The following ZNF280D variants were observed in gnomAD, a reference collection of about 807,000 sequenced individuals.
ZNF280D encodes suppressor of hairy wing homolog 4.
Under a neutral mutation model 94.7 loss-of-function variants are expected in ZNF280D, and 39 were observed. The observed-to-expected ratio is 0.41, with a 90% CI of 0.32 to 0.54. The LOEUF (loss-of-function observed/expected upper bound fraction) is 0.54. Ranked by LOEUF, ZNF280D falls within the 20% of genes least tolerant of loss-of-function variation. ZNF280D has a pLI of 0.22. For missense variants in ZNF280D, 1,090 were observed against 1,149.3 expected (o/e 0.95, Z 0.75); for synonymous variants, 398 against 377.6 (o/e 1.05, Z -0.63).
At chr15:56,698,589 G>C (rs2056883889) in intron 6 of ZNF280D, 1 of 152,124 alleles carries the variant, frequency 6.6e-6, no homozygotes, top group African/African-American at 2.4e-5. Context: ...CTGGTATTCA[G>C]GTCCTGTGTA....
intron 14 of ZNF280D, 42 bp downstream of exon 14, chr15:56,668,781 A>G (rs1485450796): frequency 2.0e-6 from 3 of 1,502,012 alleles, no homozygotes; most frequent in East Asian, 4.9e-5. Flanking sequence ...GTTAATTTCT[A>G]TTATCATACA....
At chr15:56,723,445 A>G (rs1454958011) in intron 1 of ZNF280D, among the ~76,000 whole-genome samples, 1 of 152,222 alleles carries the variant, frequency 6.6e-6, no homozygotes, top group East Asian at 1.9e-4. Flanking sequence ...TGAAAATATT[A>G]TGGAATTAGT....
Position 56,724,372 on chromosome 15 carries a change from T to C in ZNF280D, c.-86+9086A>G, listed in dbSNP as rs376727218. On this transcript the variant is annotated intron_variant, in intron 1 of 21. Transcript: ENST00000267807. ...AGAGCTCGGTTAGGTTATCCTAGTG[T>C]TAAAAGCTTCCAGGTGCAGTGAGGT... Among the ~76,000 whole-genome samples, 48 of 152,320 alleles carry C rather than the reference T, an allele frequency of 3.2e-4. No homozygotes were observed. In the South Asian group the frequency reaches 8.1e-3, roughly 26 times the overall value.
At chr15:56,717,016 C>T (rs1335554544) in intron 1 of ZNF280D, among the ~76,000 whole-genome samples, 1 of 152,056 alleles carries the variant, frequency 6.6e-6, no homozygotes. Context: ...ATATTGAAAC[C>T]CAGGACAATG....
rs147594571 is a variant in ZNF280D, at chr15:56,666,528, G to A, written c.1861C>T (p.Arg621Trp). The change falls in exon 16 of 22, where the codon CGG (arginine) becomes TGG (tryptophan). Residue 621 changes from arginine (R) to tryptophan (W), a missense_variant. Physicochemically the swap from Arg to Trp is moderately radical, Grantham distance 101. Around this residue, in one of 3 missense-constraint regions of ZNF280D, gnomAD observed 577 missense variants for 568.8 expected, o/e 1.01. Coordinates refer to ENST00000267807, the MANE Select transcript of ZNF280D (RefSeq NM_017661.4). ...CACTCAATGCATTTGTGAATGCCCCGACGATACCTTAGGGAGACATTAAAA... is the reference window on the plus strand; with the variant it reads ...CACTCAATGCATTTGTGAATGCCCCAACGATACCTTAGGGAGACATTAAAA... ...NTALRNLRYR[R>W]GIHKCIECCS... 3.3e-5 allele frequency: 52 copies of A among 1,589,248 alleles called. No homozygotes were observed. The highest frequency in any genetic ancestry group is 8.2e-5 in the South Asian group (7 of 85,556).
Position 56,668,460 on chromosome 15 carries a change from C to CA in ZNF280D, c.1545+362dup, listed in dbSNP as rs149048015. ...GGCACTGTACCAGATGCTGGGGACACAAAGATAAATAAAACATGATTCCTG... is the reference window on the plus strand; with the variant it reads ...GGCACTGTACCAGATGCTGGGGACACAAAAGATAAATAAAACATGATTCCTG... On this transcript the variant is annotated intron_variant, in intron 14 of 21. Transcript: ENST00000267807. Among the ~76,000 whole-genome samples the CA allele has an allele frequency of 7.2e-5, 11 of 152,096 alleles. No individual in the cohort carries two copies. The East Asian group carries it at 2.1e-3, about 29-fold the overall frequency.
Position 56,704,220 on chromosome 15 carries a change from G to A in ZNF280D, c.76C>T (p.Leu26=), listed in dbSNP as rs2057264497. The change falls in exon 4 of 22, where the codon CTG becomes TTG. Residue 26 remains leucine, a synonymous_variant. Transcript: ENST00000267807. ...ELFMECEEEE[L]EPWQKKVKEV... ...TTTACTTTCTTCTGCCATGGTTCCA[G>A]CTCCTCTTCTTCACATTCCATAAAC... 1 of 1,612,998 alleles carries A rather than the reference G, an allele frequency of 6.2e-7. No homozygotes were observed.
At chr15:56,650,083 G>A (rs1239620423) in intron 19 of ZNF280D, among the ~76,000 whole-genome samples, 1 of 152,002 alleles carries the variant, frequency 6.6e-6, no homozygotes, top group African/African-American at 2.4e-5. Context: ...TAAAAAATGT[G>A]GATTCAGTGT....
chr15:56,723,905 A>G (rs2058503794), intron 1 of ZNF280D, among the ~76,000 whole-genome samples: 1 of 152,224 alleles, frequency 6.6e-6, no homozygotes, highest in Non-Finnish European at 1.5e-5. Flanking sequence ...ATCACAGCTT[A>G]GTCTAACTTA....
chr15:56,685,306 T>C (rs542895413), intron 9 of ZNF280D, among the ~76,000 whole-genome samples: 3 of 151,588 alleles, frequency 2.0e-5, no homozygotes, highest in South Asian at 4.2e-4. Flanking sequence ...ATATTTACTG[T>C]AGAAAAAGAT....
intron 19 of ZNF280D, chr15:56,653,509 G>T (rs777048919): frequency 1.3e-6 from 2 of 1,518,250 alleles, no homozygotes; most frequent in African/African-American, 2.8e-5. Context: ...TCCTTGGAAA[G>T]AGAGAACAGG....
intron 19 of ZNF280D, 149 bp downstream of exon 19, chr15:56,654,048 AG>A: frequency 6.7e-7 from 1 of 1,497,918 alleles, no homozygotes. Context: ...TCCATAGAGC[AG>A]GAACCTATTT....
At chr15:56,721,866 C>T (rs993556592) in intron 1 of ZNF280D, among the ~76,000 whole-genome samples, 6 of 152,156 alleles carry the variant, frequency 3.9e-5, no homozygotes, top group African/African-American at 1.4e-4. Flanking sequence ...AGAATGTTTC[C>T]TTCGCAATCA....
intron 7 of ZNF280D, among the ~76,000 whole-genome samples, chr15:56,690,620 C>A (rs2056371091): frequency 6.6e-6 from 1 of 151,958 alleles, no homozygotes; most frequent in African/African-American, 2.4e-5. Context: ...ATTTGAAAAC[C>A]ATTTTGTTAA....
chr15:56,682,144 G>C (rs1454760956), intron 10 of ZNF280D, 110 bp downstream of exon 10: 5 of 735,408 alleles, frequency 6.8e-6, no homozygotes, highest in African/African-American at 1.9e-5. Flanking sequence ...TCAGTAGAAA[G>C]TGTTAAAATC....
chr15:56,677,303 T>C (rs1371040859), intron 12 of ZNF280D, among the ~76,000 whole-genome samples: 1 of 152,204 alleles, frequency 6.6e-6, no homozygotes, highest in African/African-American at 2.4e-5. Context: ...ACTTTGTATT[T>C]CCCTTGTATG....
intron 16 of ZNF280D, among the ~76,000 whole-genome samples, chr15:56,658,720 G>A (rs1436251498): frequency 6.6e-6 from 1 of 151,944 alleles, no homozygotes; most frequent in Non-Finnish European, 1.5e-5. Context: ...GGTTAGCACT[G>A]TACCTTACCA....
At chr15:56,725,587 C>A (rs1596700972) in intron 1 of ZNF280D, among the ~76,000 whole-genome samples, 1 of 152,146 alleles carries the variant, frequency 6.6e-6, no homozygotes, top group Non-Finnish European at 1.5e-5. Context: ...GAAGAAAATA[C>A]AGCTTCACAG....
chr15:56,707,820 G>A (rs1289893956), intron 1 of ZNF280D, among the ~76,000 whole-genome samples: 1 of 151,596 alleles, frequency 6.6e-6, no homozygotes, highest in African/African-American at 2.4e-5. Flanking sequence ...CTTCTGTATG[G>A]AAGGTAATGT....
Sources: allele counts gnomAD v4.1 joint callset (sites outside exome capture counted in the v4.1 genomes callset), GRCh38; gene constraint gnomAD v4.1.1; regional missense constraint gnomAD v4.1.1; transcripts MANE v1.5; gene names NCBI Gene and HGNC (gene_info 2026-07-23, HGNC 2026-07-21).